Variants in POC1B observed in about 807,000 individuals in gnomAD.
POC1B encodes the protein POC1 centriolar protein B.
Under a neutral mutation model 60.6 loss-of-function variants are expected in POC1B, and 44 were observed. The observed-to-expected ratio is 0.73, with a 90% confidence interval of 0.57 to 0.93. The LOEUF is 0.93. Among genes scored for constraint, POC1B ranks in the 40% least tolerant of loss-of-function variants. The pLI is 0.00. For missense variants in POC1B, 555 were observed against 572.3 expected (o/e 0.97, Z 0.31); for synonymous variants, 180 against 198.9 (o/e 0.90, Z 0.80).
At chr12:89,482,892 T>C (rs1340865468) in intron 4 of POC1B, among the ~76,000 whole-genome samples, 2 of 152,056 alleles carry the variant, frequency 1.3e-5, no homozygotes, top group African/African-American at 2.4e-5. Context: ...TGGGAGGTAA[T>C]TGAATCATGG....
chr12:89,504,843 G>A (rs1869820685), intron 2 of POC1B, among the ~76,000 whole-genome samples: 2 of 152,160 alleles, frequency 1.3e-5, no homozygotes, highest in African/African-American at 4.8e-5. Flanking sequence ...AGTGGCTCAT[G>A]CCTGTAATCC....
chr12:89,444,221 C>T (rs961510444), intron 10 of POC1B, among the ~76,000 whole-genome samples: 1 of 152,088 alleles, frequency 6.6e-6, no homozygotes, highest in Non-Finnish European at 1.5e-5. Context: ...TTCCAATCAA[C>T]AGAAAATGAG....
chr12:89,458,840 G>T (rs1462566055), intron 10 of POC1B, among the ~76,000 whole-genome samples: 1 of 152,172 alleles, frequency 6.6e-6, no homozygotes, highest in Admixed American at 6.5e-5. Context: ...TGACTAGCAG[G>T]ATCAACTGTG....
chr12:89,502,106 A>G (rs1869602874), intron 2 of POC1B: 1 of 1,155,586 alleles, frequency 8.7e-7, no homozygotes, highest in African/African-American at 1.5e-5. Flanking sequence ...ACACCAACAG[A>G]GTCAAACTTG....
chr12:89,436,239 C>T (rs1011136011), intron 10 of POC1B, among the ~76,000 whole-genome samples: 1 of 151,956 alleles, frequency 6.6e-6, no homozygotes, highest in African/African-American at 2.4e-5. Flanking sequence ...GCACAAGACA[C>T]CGTGCACGAC....
chr12:89,519,302 T>C (rs2135769736), intron 2 of POC1B: 1 of 152,360 alleles, frequency 6.6e-6, no homozygotes, highest in African/African-American at 2.4e-5. Flanking sequence ...AAATATCCAC[T>C]GTCTGAATTT....
chr12:89,478,622 A>G (rs757358738), intron 4 of POC1B, among the ~76,000 whole-genome samples: 4 of 152,216 alleles, frequency 2.6e-5, no homozygotes, highest in Non-Finnish European at 5.9e-5. Flanking sequence ...TATATAGCCA[A>G]TGTAAGCTGA....
chr12:89,514,047 C>A (rs1472560086), intron 2 of POC1B, among the ~76,000 whole-genome samples: 1 of 152,146 alleles, frequency 6.6e-6, no homozygotes, highest in East Asian at 1.9e-4. Flanking sequence ...AACCTAAGAG[C>A]CCCTATAATA....
intron 2 of POC1B, among the ~76,000 whole-genome samples, chr12:89,504,128 G>A (rs1223173756): frequency 6.6e-6 from 1 of 152,238 alleles, no homozygotes; most frequent in African/African-American, 2.4e-5. Context: ...CATTGAGAAC[G>A]GGCCATGATG....
At chr12:89,453,436 C>T (rs1192403475) in intron 10 of POC1B, among the ~76,000 whole-genome samples, 1 of 152,070 alleles carries the variant, frequency 6.6e-6, no homozygotes, top group African/African-American at 2.4e-5. Flanking sequence ...CCTTTCATAC[C>T]CTTAGAGCAG....
At chr12:89,450,495 C>T (rs750835505) in intron 10 of POC1B, among the ~76,000 whole-genome samples, 4 of 152,172 alleles carry the variant, frequency 2.6e-5, no homozygotes, top group African/African-American at 7.2e-5. Flanking sequence ...TGTGAGCCAC[C>T]GCGCCCTGCC....
chr12:89,466,564 A>C (rs1882692300), intron 9 of POC1B: 1 of 432,164 alleles, frequency 2.3e-6, no homozygotes, highest in South Asian at 5.2e-5. Context: ...TACTATCAAC[A>C]CTATTTTTTA....
chr12:89,423,129 T>C (rs556009607), intron 11 of POC1B, among the ~76,000 whole-genome samples: 1 of 152,094 alleles, frequency 6.6e-6, no homozygotes, highest in African/African-American at 2.4e-5. Flanking sequence ...CTCGGTCTCC[T>C]GGGTAGCTGT....
chr12:89,425,498 C>A, intron 10 of POC1B, 119 bp from the exon 11 acceptor site: 1 of 647,602 alleles, frequency 1.5e-6, no homozygotes. Context: ...GATTTATCCC[C>A]AACTATAATA....
intron 10 of POC1B, among the ~76,000 whole-genome samples, chr12:89,432,822 A>G (rs1881094727): frequency 6.6e-6 from 1 of 152,250 alleles, no homozygotes; most frequent in Admixed American, 6.5e-5. Context: ...AGCTGGGTCT[A>G]GAAATATAAA....
chr12:89,520,905 T>TA (rs1452645492), intron 2 of POC1B: 11 of 152,106 alleles, frequency 7.2e-5, no homozygotes, highest in African/African-American at 1.7e-4. Context: ...AAAATACTTT[T>TA]AAAAAAAGCG....
At chr12:89,510,309 CT>C (rs1870116656) in intron 2 of POC1B, among the ~76,000 whole-genome samples, 2 of 152,324 alleles carry the variant, frequency 1.3e-5, no homozygotes, top group South Asian at 4.1e-4. Context: ...TCCTAAAGAC[CT>C]GGCCTTTCTG....
intron 2 of POC1B, among the ~76,000 whole-genome samples, chr12:89,508,681 C>T (rs1293644657): frequency 3.9e-5 from 6 of 152,074 alleles, no homozygotes; most frequent in South Asian, 2.1e-4. Flanking sequence ...AATTGTAATC[C>T]GAATTATAAT....
At chr12:89,433,462 AG>A (rs1269603928) in intron 10 of POC1B, among the ~76,000 whole-genome samples, 1 of 152,142 alleles carries the variant, frequency 6.6e-6, no homozygotes, top group East Asian at 1.9e-4. Flanking sequence ...CCTTGGGTGT[AG>A]GTGTGAAGGA....
Sources: gnomAD v4.1 joint callset for allele counts (sites outside exome capture counted in the v4.1 genomes callset) on GRCh38, gnomAD v4.1.1 for gene constraint, MANE v1.5 for transcripts, NCBI Gene and HGNC (gene_info 2026-07-23, HGNC 2026-07-21) for gene names.